NKAIN2: variants seen among roughly 807,000 people sequenced by gnomAD.
The protein encoded by NKAIN2 is sodium/potassium transporting ATPase interacting 2.
A neutral mutation model predicts 32.6 loss-of-function variants in NKAIN2; 14 were observed. The observed-to-expected ratio is 0.43, with a 90% CI of 0.28 to 0.67. The LOEUF (loss-of-function observed/expected upper bound fraction) is 0.67, where lower values mean the gene tolerates loss of function less well. Among genes scored for constraint, NKAIN2 ranks in the 30% least tolerant of loss-of-function variants. NKAIN2 has a pLI of 0.17. For synonymous variants in NKAIN2, 80 were observed against 87.2 expected, an observed-to-expected ratio of 0.92 and a Z score of 0.46; for missense variants, 198 against 258.3, an observed-to-expected ratio of 0.77 and a Z score of 1.60.
intron 3 of NKAIN2, among the ~76,000 whole-genome samples, chr6:124,454,635 T>C (rs1010510160): frequency 3.3e-5 from 5 of 152,062 alleles, no homozygotes; most frequent in African/African-American, 1.2e-4. Context: ...GTCTTTTAGG[T>C]AACAATCAGT....
At chr6:124,208,063 G>A (rs1449629640) in intron 1 of NKAIN2, among the ~76,000 whole-genome samples, 2 of 151,872 alleles carry the variant, frequency 1.3e-5, no homozygotes, top group East Asian at 3.9e-4. Context: ...TTGTCTTGGT[G>A]GCTGTTCTTG....
chr6:124,664,207 G>A (rs1248274382), intron 4 of NKAIN2, among the ~76,000 whole-genome samples: 3 of 151,840 alleles, frequency 2.0e-5, no homozygotes, highest in East Asian at 1.9e-4. Context: ...CCCGGGAGGC[G>A]GAGGTTGCAG....
intron 1 of NKAIN2, among the ~76,000 whole-genome samples, chr6:124,139,413 G>A: frequency 6.6e-6 from 1 of 152,148 alleles, no homozygotes; most frequent in East Asian, 1.9e-4. Flanking sequence ...AGTAAAGTAA[G>A]ATAAAATAAA....
At chr6:123,959,055 T>C (rs1325685774) in intron 1 of NKAIN2, among the ~76,000 whole-genome samples, 1 of 152,170 alleles carries the variant, frequency 6.6e-6, no homozygotes, top group Non-Finnish European at 1.5e-5. Context: ...ATTTGGCGGC[T>C]AAGGACCGGG....
intron 1 of NKAIN2, among the ~76,000 whole-genome samples, chr6:124,277,253 A>G (rs1274740485): frequency 6.6e-6 from 1 of 152,186 alleles, no homozygotes; most frequent in East Asian, 1.9e-4. Flanking sequence ...GTTAGCAGCA[A>G]CTTTTATTGA....
chr6:124,621,158 G>A (rs1418562336), intron 3 of NKAIN2, among the ~76,000 whole-genome samples: 2 of 152,106 alleles, frequency 1.3e-5, no homozygotes, highest in Non-Finnish European at 2.9e-5. Flanking sequence ...GTTTAACAAA[G>A]CTGTTTAGGT....
intron 1 of NKAIN2, among the ~76,000 whole-genome samples, chr6:124,155,437 A>G (rs1391594605): frequency 1.3e-5 from 2 of 152,108 alleles, no homozygotes; most frequent in Non-Finnish European, 2.9e-5. Context: ...TATAATTATT[A>G]TATGTCAATT....
chr6:124,656,431 A>G (rs1443990211), intron 3 of NKAIN2, among the ~76,000 whole-genome samples: 1 of 152,074 alleles, frequency 6.6e-6, no homozygotes, highest in African/African-American at 2.4e-5. Context: ...TCTCACAACT[A>G]TTATCTGAGA....
At chr6:124,007,298 A>G (rs1268176136) in intron 1 of NKAIN2, among the ~76,000 whole-genome samples, 1 of 152,194 alleles carries the variant, frequency 6.6e-6, no homozygotes, top group Non-Finnish European at 1.5e-5. Context: ...TGTGGCACAT[A>G]ACTGTAGTTA....
intron 1 of NKAIN2, among the ~76,000 whole-genome samples, chr6:123,878,762 TA>T (rs1773298517): frequency 6.6e-6 from 1 of 152,194 alleles, no homozygotes; most frequent in African/African-American, 2.4e-5. Context: ...CTGTACTCTA[TA>T]TTTTGGCATT....
At position 123,958,386 on chromosome 6, in the gene NKAIN2, C is replaced by T. The variant is rs76712421; in HGVS notation, c.54+154132C>T. ...GCCCCAGGGACAGCAGTGTCTGCTC[C>T]GTCACCTCTGTGCACATGGAGCCAT... is the stretch of plus-strand genomic sequence containing the variant. On this transcript the variant is annotated intron_variant, in intron 1 of 6. Transcript: ENST00000368417. 4.1e-4 allele frequency among the ~76,000 whole-genome samples: 62 copies of T among 152,350 alleles called. No homozygotes were observed. In the East Asian group the frequency reaches 9.3e-3, roughly 23 times the overall value.
intron 4 of NKAIN2, among the ~76,000 whole-genome samples, chr6:124,716,795 T>C (rs1394750328): frequency 2.4e-5 from 1 of 42,338 alleles, no homozygotes; most frequent in Non-Finnish European, 5.0e-5. Context: ...TACTATATAG[T>C]TTACTAATTT....
chr6:124,384,128 C>G (rs1436816571), intron 3 of NKAIN2, among the ~76,000 whole-genome samples: 1 of 152,060 alleles, frequency 6.6e-6, no homozygotes, highest in Admixed American at 6.6e-5. Flanking sequence ...TTGTACTTAT[C>G]ACTCTCTGAA....
intron 3 of NKAIN2, among the ~76,000 whole-genome samples, chr6:124,633,590 T>A (rs1405315275): frequency 1.5e-4 from 23 of 152,228 alleles, no homozygotes; most frequent in Admixed American, 1.4e-3. Context: ...CCATAAATTA[T>A]TCTCTTCCAG....
At chr6:123,846,157 T>C (rs1459109392) in intron 1 of NKAIN2, among the ~76,000 whole-genome samples, 1 of 152,198 alleles carries the variant, frequency 6.6e-6, no homozygotes, top group African/African-American at 2.4e-5. Flanking sequence ...GCACTCAGTG[T>C]GTATATGCTG....
At position 124,532,543 on chromosome 6, in the gene NKAIN2, CTT is replaced by C. The variant is rs564038973; in HGVS notation, c.274-125641_274-125640del. 2.3e-3 allele frequency among the ~76,000 whole-genome samples: 347 copies of C among 152,252 alleles called. 3 individuals carry two copies. The highest frequency in any genetic ancestry group is 8.2e-3 in the African/African-American group (339 of 41,562). On this transcript the variant is annotated intron_variant, in intron 3 of 6. Coordinates refer to ENST00000368417, the MANE Select transcript of NKAIN2 (RefSeq NM_001040214.3). ...TCTTATTGACAGAGACCTTCAACCT[CTT>C]TCCATGAAGAGATGACAAAGCTGGG...
chr6:124,146,486 A>G (rs1787408207), intron 1 of NKAIN2, among the ~76,000 whole-genome samples: 1 of 152,180 alleles, frequency 6.6e-6, no homozygotes, highest in African/African-American at 2.4e-5. Context: ...TACTTTAGAA[A>G]ACAATTTGGT....
chr6:124,215,841 G>T (rs1362881241), intron 1 of NKAIN2, among the ~76,000 whole-genome samples: 1 of 152,166 alleles, frequency 6.6e-6, no homozygotes, highest in Admixed American at 6.6e-5. Context: ...GTCCTGGCCG[G>T]ATGCAGTGGC....
intron 1 of NKAIN2, among the ~76,000 whole-genome samples, chr6:123,915,511 G>T (rs556415593): frequency 2.0e-5 from 3 of 152,146 alleles, no homozygotes; most frequent in African/African-American, 7.2e-5. Flanking sequence ...TCATCCATGT[G>T]ACTTGGTTTG....
Sources: allele counts gnomAD v4.1 joint callset (sites outside exome capture counted in the v4.1 genomes callset), GRCh38; gene constraint gnomAD v4.1.1; transcripts MANE v1.5; gene names NCBI Gene and HGNC (gene_info 2026-07-23, HGNC 2026-07-21).